Variants in PSD4 observed in about 807,000 individuals in gnomAD.
The protein encoded by PSD4 is pleckstrin and Sec7 domain containing 4, also known as PH and SEC7 domain-containing protein 4.
PSD4 carries 59 observed loss-of-function variants against 112.5 expected under a neutral mutation model. That is an observed-to-expected ratio of 0.52 (90% confidence interval 0.43 to 0.65). The LOEUF (loss-of-function observed/expected upper bound fraction) is 0.65, where lower values mean the gene tolerates loss of function less well. Among genes scored for constraint, PSD4 ranks in the 30% least tolerant of loss-of-function variants. The pLI is 0.00. For missense variants in PSD4, 1,267 were observed against 1,352.6 expected (o/e 0.94, Z 0.99); for synonymous variants, 533 against 540.0 (o/e 0.99, Z 0.18).
intron 1 of PSD4, among the ~76,000 whole-genome samples, chr2:113,181,895 A>C (rs922622506): frequency 6.6e-6 from 1 of 152,108 alleles, no homozygotes. Flanking sequence ...AGTCTGTTGC[A>C]TTCTCCTCAC....
rs774649235 is a variant in PSD4, at chr2:113,199,001, G to A, written c.2770-82G>A. On this transcript the variant is annotated intron_variant, in intron 15 of 16. Transcript: ENST00000245796. ...CGCACTTGGCCTGGGAACCGAGGCG[G>A]CCAGGGGGGCGGCGCGCCCGGGCCC... is the stretch of plus-strand genomic sequence containing the variant. 24 of 1,514,844 alleles carry A rather than the reference G, an allele frequency of 1.6e-5. No individual in the cohort carries two copies. The African/African-American group carries it at 2.1e-4, about 13-fold the overall frequency. The allele number at this position is 1,514,844 out of a possible 1,614,324, so 93.8% of individuals were successfully genotyped here. A position where few individuals can be genotyped will look rare whatever the true frequency, so the allele number is the denominator to read the frequency against.
rs1383313454 is a variant in PSD4, at chr2:113,182,679, C to G, written c.223C>G (p.Leu75Val). Residue 75 changes from leucine to valine, a missense_variant, in exon 2 of 17, where the codon CTG becomes GTG. Physicochemically the swap from Leu to Val is conservative, Grantham distance 32. Coordinates refer to ENST00000245796, the MANE Select transcript of PSD4 (RefSeq NM_012455.3). ...PWGSGVELTH[L>V]GSWVHQDGLE... ...GGGCTCCGGTGTGGAGCTCACACAC[C>G]TGGGGAGCTGGGTCCATCAGGACGG... The G allele has an allele frequency of 6.2e-7, 1 of 1,612,274 alleles. No homozygotes were observed. Among genetic ancestry groups the G allele is most frequent in the Non-Finnish European group, 8.5e-7 (1 of 1,179,126 alleles).
At position 113,184,947 on chromosome 2, in the gene PSD4, G is replaced by A. The variant is rs756495433; in HGVS notation, c.1057-10G>A. The A allele has an allele frequency of 9.3e-6, 15 of 1,613,664 alleles. No homozygotes were observed. Among genetic ancestry groups the A allele is most frequent in the East Asian group, 4.5e-5 (2 of 44,884 alleles). On this transcript the variant is annotated splice_polypyrimidine_tract_variant and intron_variant, in intron 2 of 16. Transcript: ENST00000245796. ...TCCTTCTCTCCTCTGTCTCTCTCTC[G>A]ACTTCTCAGGGAGATAGGCTTGGTC...
Position 113,197,934 on chromosome 2 carries a change from A to G in PSD4, c.2624+21A>G, listed in dbSNP as rs768841071. 1.9e-6 allele frequency: 3 copies of G among 1,546,166 alleles called. No homozygotes were observed. The East Asian group carries it at 6.9e-5, about 36-fold the overall frequency. ...GCACCGTAAGTCCCTGGGGTGGGAG[A>G]CTGTGGCAAGGCCTTGCCCTGCCCT... On this transcript the variant is annotated intron_variant, in intron 14 of 16. Transcript: ENST00000245796.
intron 14 of PSD4, chr2:113,198,137 C>A: frequency 1.9e-6 from 1 of 522,944 alleles, no homozygotes; most frequent in Non-Finnish European, 3.3e-6. Flanking sequence ...ACTTTGCCAG[C>A]ACAGTATGCC....
At chr2:113,174,398 C>A (rs940285711) in intron 1 of PSD4, among the ~76,000 whole-genome samples, 12 of 152,212 alleles carry the variant, frequency 7.9e-5, no homozygotes, top group African/African-American at 2.4e-4. Context: ...GAAGGAAGCT[C>A]CTTGCTAATC....
chr2:113,183,469 C>G lies in PSD4; in HGVS notation c.1013C>G (p.Ala338Gly). Residue 338 changes from alanine to glycine, a missense_variant, in exon 2 of 17, where the codon GCT (alanine) becomes GGT (glycine). Physicochemically the swap from Ala to Gly is moderately conservative, Grantham distance 60. Transcript: ENST00000245796. ...ATCTGCTGGGCCTCAGTGGCTGCCG[C>G]TGAGGGGGCTCCTGCAGCACCTCCT... Reference protein sequence around the residue: ...HSICWASVAAAEGAPAAPPGH... With the variant: ...HSICWASVAAGEGAPAAPPGH... The G allele has an allele frequency of 6.3e-7, 1 of 1,590,920 alleles. No homozygotes were observed. Among genetic ancestry groups the G allele is most frequent in the East Asian group, 2.2e-5 (1 of 44,750 alleles).
At chr2:113,192,976 G>A in intron 6 of PSD4, 72 bp from the exon 7 acceptor site, 1 of 1,472,020 alleles carries the variant, frequency 6.8e-7, no homozygotes, top group South Asian at 1.2e-5. Context: ...TGCAGGCCCT[G>A]GGGGCCCCAG....
chr2:113,174,254 C>CG (rs1217784087), intron 1 of PSD4, among the ~76,000 whole-genome samples, 200 bp downstream of exon 1: 14 of 152,112 alleles, frequency 9.2e-5, no homozygotes, highest in Non-Finnish European at 1.8e-4. Flanking sequence ...CTCTGTGTCC[C>CG]GTCCCCCTCC....
rs1051209650 is a variant in PSD4 at position 113,182,991 on chromosome 2, G to A, written c.535G>A (p.Gly179Arg). The change falls in exon 2 of 17, where the codon GGG (glycine) becomes AGG (arginine). Residue 179 changes from glycine to arginine, a missense_variant. Coordinates refer to ENST00000245796, the MANE Select transcript of PSD4 (RefSeq NM_012455.3). Reference protein sequence around the residue: ...DLEEELEKTEGLKAGLKCCLP... With the variant: ...DLEEELEKTERLKAGLKCCLP... ...GGAGGAGGAGCTGGAGAAGACGGAA[G>A]GGCTCAAGGCTGGGCTGAAATGCTG... 1.2e-6 allele frequency: 2 copies of A among 1,614,156 alleles called. No individual in the cohort carries two copies. Among genetic ancestry groups the A allele is most frequent in the East Asian group, 2.2e-5 (1 of 44,874 alleles).
chr2:113,193,786 G>C, intron 9 of PSD4, 73 bp from the exon 10 acceptor site: 2 of 1,573,720 alleles, frequency 1.3e-6, no homozygotes, highest in Non-Finnish European at 1.7e-6. Flanking sequence ...AGGGTTCCAT[G>C]GTTGCTGGCT....
chr2:113,196,840 T>C (rs1688627102), intron 12 of PSD4, among the ~76,000 whole-genome samples: 1 of 152,100 alleles, frequency 6.6e-6, no homozygotes, highest in Admixed American at 6.5e-5. Context: ...GGAGGTACAC[T>C]TGAGGCAAAA....
At chr2:113,177,651 A>G (rs886819959) in intron 1 of PSD4, among the ~76,000 whole-genome samples, 11 of 151,016 alleles carry the variant, frequency 7.3e-5, no homozygotes, top group African/African-American at 2.5e-4. Flanking sequence ...TGATCTTTAA[A>G]TTTCAAATCC....
Position 113,196,157 on chromosome 2 carries a change from G to A in PSD4, c.2236G>A (p.Asp746Asn). ...TTCTCTGATGTTCAGGGATGAAGAA[G>A]ACACAGCCAGACCTGAGAAGGCCCA... ...EKLEWAVDEE[D>N]TARPEKAQPS... The change falls in exon 12 of 17, where the codon GAC becomes AAC. Residue 746 changes from aspartate to asparagine, a missense_variant. Asp to Asn is a conservative substitution (Grantham distance 23). Coordinates refer to ENST00000245796, the MANE Select transcript of PSD4 (RefSeq NM_012455.3). 1.9e-6 allele frequency: 3 copies of A among 1,611,270 alleles called. No individual in the cohort carries two copies. The highest frequency in any genetic ancestry group is 2.5e-6 in the Non-Finnish European group (3 of 1,177,736).
chr2:113,197,912 C>T lies in PSD4; in HGVS notation c.2623C>T (p.Pro875Ser). The change falls in exon 14 of 17, where the codon CCC (proline) becomes TCC (serine). Residue 875 changes from proline to serine, a missense_variant and splice_region_variant. Physicochemically the swap from Pro to Ser is moderately conservative, Grantham distance 74. This residue lies in a region of PSD4 where 544 missense variants were observed against 648.6 expected (regional missense o/e 0.84). Coordinates refer to ENST00000245796, the MANE Select transcript of PSD4 (RefSeq NM_012455.3). Reference protein sequence around the residue: ...ADWRLYLFQAPTAKEMSSWIA... With the variant: ...ADWRLYLFQASTAKEMSSWIA... ...CTGGCGCCTCTACCTCTTCCAGGCA[C>T]CGTAAGTCCCTGGGGTGGGAGACTG... 6.4e-7 allele frequency: 1 copy of T among 1,573,730 alleles called. No homozygotes were observed. Among genetic ancestry groups the T allele is most frequent in the Non-Finnish European group, 8.7e-7 (1 of 1,154,358 alleles).
intron 1 of PSD4, among the ~76,000 whole-genome samples, chr2:113,181,809 C>T (rs1389986907): frequency 6.6e-6 from 1 of 152,186 alleles, no homozygotes; most frequent in Non-Finnish European, 1.5e-5. Flanking sequence ...GGGTAAGGCC[C>T]CAAGGATAGG....
chr2:113,184,940 C>A lies in PSD4; in HGVS notation c.1057-17C>A. 6.2e-7 allele frequency: 1 copy of A among 1,613,770 alleles called. No homozygotes were observed. The highest frequency in any genetic ancestry group is 8.5e-7 in the Non-Finnish European group (1 of 1,179,948). On this transcript the variant is annotated splice_polypyrimidine_tract_variant and intron_variant, in intron 2 of 16. Coordinates refer to ENST00000245796, the MANE Select transcript of PSD4 (RefSeq NM_012455.3). Reference sequence around the variant, plus strand: ...TCTCCTCTCCTTCTCTCCTCTGTCTCTCTCTCGACTTCTCAGGGAGATAGG... The same window carrying A: ...TCTCCTCTCCTTCTCTCCTCTGTCTATCTCTCGACTTCTCAGGGAGATAGG...
chr2:113,206,322 C>G lies in PSD4; in HGVS notation c.*4907C>G, dbSNP rs998530883. On this transcript the variant is annotated 3_prime_UTR_variant, in exon 17 of 17. Coordinates refer to ENST00000245796, the MANE Select transcript of PSD4 (RefSeq NM_012455.3). Reference sequence around the variant, plus strand: ...ATACCTGGCTCTAATTCACACCTTACAAATCGGCGTCCACCCCACCTTTGC... The same window carrying G: ...ATACCTGGCTCTAATTCACACCTTAGAAATCGGCGTCCACCCCACCTTTGC... The G allele has an allele frequency of 6.6e-6, 1 of 152,296 alleles. No homozygotes were observed. Among genetic ancestry groups the G allele is most frequent in the African/African-American group, 2.4e-5 (1 of 41,480 alleles). 9.4% of individuals were successfully genotyped at this position (152,296 alleles called of 1,614,324 possible). A position where few individuals can be genotyped will look rare whatever the true frequency, so the allele number is the denominator to read the frequency against.
chr2:113,195,350 C>T (rs1688575998), intron 10 of PSD4, among the ~76,000 whole-genome samples: 1 of 151,994 alleles, frequency 6.6e-6, no homozygotes, highest in Non-Finnish European at 1.5e-5. Context: ...TTAGTAGAGA[C>T]AGGGTTTCAT....
Sources: allele counts gnomAD v4.1 joint callset (sites outside exome capture counted in the v4.1 genomes callset), GRCh38; gene constraint gnomAD v4.1.1; regional missense constraint gnomAD v4.1.1; transcripts MANE v1.5; gene names NCBI Gene and HGNC (gene_info 2026-07-23, HGNC 2026-07-21).